The following ZNF268 variants were observed in gnomAD, a reference collection of about 807,000 sequenced individuals.
The protein encoded by ZNF268 is zinc finger protein 268.
ZNF268 carries 20 observed loss-of-function variants against 29.3 expected under a neutral mutation model. The ratio of observed to expected loss-of-function variants is 0.68; its 90% confidence interval spans 0.48 to 0.99. The LOEUF (loss-of-function observed/expected upper bound fraction) is 0.99, where lower values mean the gene tolerates loss of function less well. ZNF268 is among the 50% of genes least tolerant of loss of function. The probability of loss-of-function intolerance (pLI) is 0.00; values close to 1 mark genes in which losing one functional copy is unlikely to be tolerated. For missense variants in ZNF268, 1,240 were observed against 1,121.6 expected (o/e 1.11, Z -1.51); for synonymous variants, 429 against 376.9 (o/e 1.14, Z -1.60).
In ZNF268 at chr12:133,204,339, A is replaced by G; in HGVS notation, c.2653A>G (p.Thr885Ala). 1.3e-6 allele frequency: 2 copies of G among 1,568,062 alleles called. No homozygotes were observed. The highest frequency in any genetic ancestry group is 1.7e-6 in the Non-Finnish European group (2 of 1,160,344). ...TTCTCAACTCATTGTACATCAAAGA[A>G]CTCATTCAGGAGAGAAACCCTATGG... ...RNSQLIVHQR[T>A]HSGEKPYGCN... Residue 885 changes from threonine to alanine, a missense_variant, in exon 6 of 6, where the codon ACT (threonine) becomes GCT (alanine). Physicochemically the swap from Thr to Ala is moderately conservative, Grantham distance 58. Around this residue, in one of 3 missense-constraint regions of ZNF268, gnomAD observed 1,177 missense variants for 1,039.6 expected, o/e 1.13. Transcript: ENST00000536435.
chr12:133,184,160 C>T (rs565422638), intron 2 of ZNF268, among the ~76,000 whole-genome samples: 5 of 152,018 alleles, frequency 3.3e-5, no homozygotes, highest in Middle Eastern at 3.4e-3. Context: ...GGCTGGAGTG[C>T]GGTGGCGCGA....
Position 133,210,833 on chromosome 12 carries a change from A to G in ZNF268, c.*6303A>G, listed in dbSNP as rs1956967470. On this transcript the variant is annotated 3_prime_UTR_variant, in exon 6 of 6. Transcript: ENST00000536435. ...TGTGGATTCAACCCAGAGGTCTGTG[A>G]GCAGAATGCAGGTACTGCAAGCAGG... is the stretch of plus-strand genomic sequence containing the variant. 2.2e-6 allele frequency: 1 copy of G among 456,020 alleles called. No homozygotes were observed. Among genetic ancestry groups the G allele is most frequent in the Non-Finnish European group, 4.4e-6 (1 of 226,794 alleles). 28.2% of individuals were successfully genotyped at this position (456,020 alleles called of 1,614,324 possible).
At chr12:133,192,056 C>A in intron 5 of ZNF268, 53 bp downstream of exon 5, 2 of 1,421,882 alleles carry the variant, frequency 1.4e-6, no homozygotes, top group Admixed American at 1.8e-5. Flanking sequence ...GCATGAATTC[C>A]AATGTGATGT....
chr12:133,210,387 A>G lies in ZNF268; in HGVS notation c.*5857A>G, dbSNP rs1427360699. 1.1e-5 allele frequency: 2 copies of G among 182,088 alleles called. No individual in the cohort carries two copies. The highest frequency in any genetic ancestry group is 4.7e-5 in the African/African-American group (2 of 42,950). The allele number at this position is 182,088 out of a possible 1,614,324, so 11.3% of individuals were successfully genotyped here. A position where few individuals can be genotyped will look rare whatever the true frequency, so the allele number is the denominator to read the frequency against. On this transcript the variant is annotated 3_prime_UTR_variant, in exon 6 of 6. Transcript: ENST00000536435. Reference sequence around the variant, plus strand: ...CAGTCCTGAGGAGGATACTCTGGTCATCACTGTGATCTACCTCCCAGGGGT... The same window carrying G: ...CAGTCCTGAGGAGGATACTCTGGTCGTCACTGTGATCTACCTCCCAGGGGT...
At position 133,193,888 on chromosome 12, in the gene ZNF268, CCTT is replaced by C. The variant is rs146478036; in HGVS notation, c.457+1889_457+1891del. On this transcript the variant is annotated intron_variant, in intron 5 of 5. Transcript: ENST00000536435. Reference sequence around the variant, plus strand: ...CTCCCACTGCTCCACCTACATACCACCTTCTTTTCATCTTTCTTCTCTTTGTTT... The same window carrying C: ...CTCCCACTGCTCCACCTACATACCACCTTTTCATCTTTCTTCTCTTTGTTT... Among the ~76,000 whole-genome samples, 66 of 152,188 alleles carry C rather than the reference CCTT, an allele frequency of 4.3e-4. No individual in the cohort carries two copies. The East Asian group carries it at 0.011, about 26-fold the overall frequency.
chr12:133,202,190 T>G lies in ZNF268; in HGVS notation c.504T>G (p.Asn168Lys). The change falls in exon 6 of 6, where the codon AAT becomes AAG. Residue 168 changes from asparagine (N) to lysine (K), a missense_variant. Physicochemically the swap from Asn to Lys is moderately conservative, Grantham distance 94 (BLOSUM62 0). This residue lies in a region of ZNF268 where 1,177 missense variants were observed against 1,039.6 expected (regional missense o/e 1.13). Coordinates refer to ENST00000536435, the MANE Select transcript of ZNF268 (RefSeq NM_003415.3). Reference protein sequence around the residue: ...IDDLMDWHQENKDKLGSTAKS... With the variant: ...IDDLMDWHQEKKDKLGSTAKS... ...ATCTTATGGATTGGCATCAGGAAAATAAAGACAAGCTGGGAAGTACGGCAA... is the reference window on the plus strand; with the variant it reads ...ATCTTATGGATTGGCATCAGGAAAAGAAAGACAAGCTGGGAAGTACGGCAA... The G allele has an allele frequency of 6.2e-7, 1 of 1,602,244 alleles. No individual in the cohort carries two copies. Among genetic ancestry groups the G allele is most frequent in the Admixed American group, 1.7e-5 (1 of 57,700 alleles).
chr12:133,199,821 A>G (rs1190732700), intron 5 of ZNF268, among the ~76,000 whole-genome samples: 2 of 152,120 alleles, frequency 1.3e-5, no homozygotes, highest in Non-Finnish European at 2.9e-5. Flanking sequence ...GTTTATTTGC[A>G]TAGAGGTGTT....
chr12:133,181,818 T>A (rs1481757053), intron 1 of ZNF268, 128 bp from the exon 2 acceptor site: 1 of 653,130 alleles, frequency 1.5e-6, no homozygotes, highest in Non-Finnish European at 2.7e-6. Flanking sequence ...AGATGGTGAA[T>A]CCCGTGCTGT....
chr12:133,192,095 T>C (rs1208459083), intron 5 of ZNF268, 92 bp downstream of exon 5: 3 of 1,084,914 alleles, frequency 2.8e-6, no homozygotes, highest in Middle Eastern at 2.1e-4. Flanking sequence ...TTGCCTCGTG[T>C]ATTACCATGC....
In ZNF268 at chr12:133,212,318, G is replaced by A. The variant is rs1956993183; in HGVS notation, c.*7788G>A. The A allele has an allele frequency of 6.6e-6, 1 of 151,640 alleles. No individual in the cohort carries two copies. Among genetic ancestry groups the A allele is most frequent in the Non-Finnish European group, 1.5e-5 (1 of 67,976 alleles). The allele number at this position is 151,640 out of a possible 1,614,324, so 9.4% of individuals were successfully genotyped here. A position where few individuals can be genotyped will look rare whatever the true frequency, so the allele number is the denominator to read the frequency against. ...GAAATTATGCTGGGTGTGTGTGGAAGAGCCTGGGATGTATAATGCCAGCAT... is the reference window on the plus strand; with the variant it reads ...GAAATTATGCTGGGTGTGTGTGGAAAAGCCTGGGATGTATAATGCCAGCAT... On this transcript the variant is annotated 3_prime_UTR_variant, in exon 6 of 6. Coordinates refer to ENST00000536435, the MANE Select transcript of ZNF268 (RefSeq NM_003415.3).
Position 133,209,294 on chromosome 12 carries a change from G to T in ZNF268, c.*4764G>T, listed in dbSNP as rs1482520557. On this transcript the variant is annotated 3_prime_UTR_variant, in exon 6 of 6. Coordinates refer to ENST00000536435, the MANE Select transcript of ZNF268 (RefSeq NM_003415.3). The stretch of plus-strand genomic sequence containing the variant: ...GGTAGAGTTATTTATTTCTTGTAGA[G>T]ATGGGGTTTTACCATGTTTTCCAGT... 2 of 152,140 alleles carry T rather than the reference G, an allele frequency of 1.3e-5. No homozygotes were observed. Among genetic ancestry groups the T allele is most frequent in the African/African-American group, 4.8e-5 (2 of 41,414 alleles). The allele number at this position is 152,140 out of a possible 1,614,324, so 9.4% of individuals were successfully genotyped here.
At position 133,207,901 on chromosome 12, in the gene ZNF268, T is replaced by G. The variant is rs555268890; in HGVS notation, c.*3371T>G. On this transcript the variant is annotated 3_prime_UTR_variant, in exon 6 of 6. Transcript: ENST00000536435. Reference sequence around the variant, plus strand: ...TCATAAGGATTATCTCAGTATATGCTGATAAATCACTTGATGGAATTTAAC... The same window carrying G: ...TCATAAGGATTATCTCAGTATATGCGGATAAATCACTTGATGGAATTTAAC... The G allele has an allele frequency of 6.6e-6, 1 of 152,198 alleles. No homozygotes were observed. Among genetic ancestry groups the G allele is most frequent in the Non-Finnish European group, 1.5e-5 (1 of 68,042 alleles). The allele number at this position is 152,198 out of a possible 1,614,324, so 9.4% of individuals were successfully genotyped here.
intron 5 of ZNF268, 29 bp from the exon 6 acceptor site, chr12:133,202,115 A>G (rs1473304545): frequency 6.6e-7 from 1 of 1,511,678 alleles, no homozygotes. Context: ...TGTGATTTAT[A>G]ACATGTGACC....
In ZNF268 at chr12:133,181,932, G is replaced by GCT. The variant is rs148930602; in HGVS notation, c.-52-7_-52-6dup. On this transcript the variant is annotated splice_polypyrimidine_tract_variant and intron_variant, in intron 1 of 5. Transcript: ENST00000536435. ...GCTGGGTGACCTCTTTCTTCACTGT[G>GCT]CTCTCTCTTCTAGCATCCCTCGCGT... 668 of 1,529,656 alleles carry GCT rather than the reference G, an allele frequency of 4.4e-4. 5 individuals are homozygous for GCT. The African/African-American group carries it at 8.5e-3, about 19-fold the overall frequency. The allele number at this position is 1,529,656 out of a possible 1,614,324, so 94.8% of individuals were successfully genotyped here. A position where few individuals can be genotyped will look rare whatever the true frequency, so the allele number is the denominator to read the frequency against.
chr12:133,199,047 C>T (rs1426837332), intron 5 of ZNF268, among the ~76,000 whole-genome samples: 2 of 152,042 alleles, frequency 1.3e-5, no homozygotes, highest in South Asian at 2.1e-4. Context: ...TGCCTAATTG[C>T]CCTGGCCAGA....
chr12:133,211,103 G>C lies in ZNF268; in HGVS notation c.*6573G>C. 1 of 437,848 alleles carries C rather than the reference G, an allele frequency of 2.3e-6. No individual in the cohort carries two copies. The highest frequency in any genetic ancestry group is 1.6e-5 in the South Asian group (1 of 63,602). The allele number at this position is 437,848 out of a possible 1,614,324, so 27.1% of individuals were successfully genotyped here. On this transcript the variant is annotated 3_prime_UTR_variant, in exon 6 of 6. Transcript: ENST00000536435. Reference sequence around the variant, plus strand: ...GCAAAGTAGATGGCCATAGACAAAAGTCAAGTGATTTCCTATATATTTGAA... The same window carrying C: ...GCAAAGTAGATGGCCATAGACAAAACTCAAGTGATTTCCTATATATTTGAA...
At chr12:133,194,373 A>G (rs1956547871) in intron 5 of ZNF268, among the ~76,000 whole-genome samples, 1 of 152,150 alleles carries the variant, frequency 6.6e-6, no homozygotes. Flanking sequence ...CAACTAAGTG[A>G]TTGACTCACT....
chr12:133,203,213 C>G lies in ZNF268; in HGVS notation c.1527C>G (p.Phe509Leu), dbSNP rs1956799169. The G allele has an allele frequency of 6.5e-7, 1 of 1,537,750 alleles. No homozygotes were observed. The highest frequency in any genetic ancestry group is 8.7e-7 in the Non-Finnish European group (1 of 1,146,850). ...TATGCAATGAATGTGGCAAAGCCTT[C>G]AGGAGCAAGTCATACCTTATTATAC... ...PYVCNECGKA[F>L]RSKSYLIIHT... is the part of the protein sequence containing the mutation. Residue 509 changes from phenylalanine to leucine, a missense_variant, in exon 6 of 6, where the codon TTC (phenylalanine) becomes TTG (leucine). Phe to Leu is a conservative substitution (Grantham distance 22, BLOSUM62 0). Coordinates refer to ENST00000536435, the MANE Select transcript of ZNF268 (RefSeq NM_003415.3).
At chr12:133,198,276 A>G (rs1956663739) in intron 5 of ZNF268, among the ~76,000 whole-genome samples, 1 of 150,768 alleles carries the variant, frequency 6.6e-6, no homozygotes, top group Non-Finnish European at 1.5e-5. Flanking sequence ...TCCCAGCACC[A>G]TTTATTAAAT....
Sources: gnomAD v4.1 joint callset for allele counts (sites outside exome capture counted in the v4.1 genomes callset) on GRCh38, gnomAD v4.1.1 for gene constraint, gnomAD v4.1.1 regional missense constraint, MANE v1.5 for transcripts, NCBI Gene and HGNC (gene_info 2026-07-23, HGNC 2026-07-21) for gene names.